Variants in ALMS1 observed in about 807,000 individuals in gnomAD.
ALMS1 encodes the protein ALMS1 centrosome and basal body associated protein.
Under a neutral mutation model 352.2 loss-of-function variants are expected in ALMS1, and 271 were observed. The observed-to-expected ratio is 0.77, with a 90% CI of 0.70 to 0.85. The LOEUF is 0.85. ALMS1 is among the 40% of genes least tolerant of loss of function. The pLI is 0.00. For missense variants in ALMS1, 5,445 were observed against 4,870.7 expected, an observed-to-expected ratio of 1.12 and a Z score of -3.51; for synonymous variants, 1,865 against 1,761.2, an observed-to-expected ratio of 1.06 and a Z score of -1.48.
chr2:73,553,317 A>T (rs1674475786), intron 13 of ALMS1, among the ~76,000 whole-genome samples: 2 of 152,216 alleles, frequency 1.3e-5, no homozygotes, highest in Non-Finnish European at 2.9e-5. Flanking sequence ...AAAGAAAGAA[A>T]ACATGGTGGG....
chr2:73,514,046 T>C (rs972971089), intron 10 of ALMS1, among the ~76,000 whole-genome samples: 1 of 152,138 alleles, frequency 6.6e-6, no homozygotes, highest in African/African-American at 2.4e-5. Context: ...ATAGGAAGCT[T>C]ATTTTTTGTT....
At position 73,449,078 on chromosome 2, in the gene ALMS1, C is replaced by A; in HGVS notation, c.2551C>A (p.Pro851Thr). ...SGPADGKTGT[P>T]AVTSTSSASS... ...ACCAGCTGACGGAAAGACTGGGACA[C>A]CAGCTGTAACCTCTACTTCCTCTGC... The change falls in exon 8 of 23, where the codon CCA becomes ACA. Residue 851 changes from proline to threonine, a missense_variant. Pro to Thr is a conservative substitution (Grantham distance 38). Transcript: ENST00000613296. 2 of 1,614,112 alleles carry A rather than the reference C, an allele frequency of 1.2e-6. No individual in the cohort carries two copies. Among genetic ancestry groups the A allele is most frequent in the Non-Finnish European group, 1.7e-6 (2 of 1,179,998 alleles).
At chr2:73,569,639 C>T (rs1177346892) in intron 15 of ALMS1, among the ~76,000 whole-genome samples, 1 of 152,012 alleles carries the variant, frequency 6.6e-6, no homozygotes, top group African/African-American at 2.4e-5. Flanking sequence ...AGAATTTGGC[C>T]CCAAATAACC....
In ALMS1 at chr2:73,490,951, A is replaced by T; in HGVS notation, c.8992A>T (p.Asn2998Tyr). The T allele has an allele frequency of 1.2e-6, 2 of 1,614,202 alleles. No individual in the cohort carries two copies. The highest frequency in any genetic ancestry group is 8.5e-7 in the Non-Finnish European group (1 of 1,180,018). Residue 2998 changes from asparagine to tyrosine, a missense_variant, in exon 10 of 23, where the codon AAT (asparagine) becomes TAT (tyrosine). Physicochemically the swap from Asn to Tyr is moderately radical, Grantham distance 143. Transcript: ENST00000613296. ...AGGTCAGGATTGTGTAGTGGAAAAG[A>T]ATAATCAACATAAGCCTAAATCACA... ...PQGQDCVVEK[N>Y]NQHKPKSHIS... is the part of the protein sequence containing the mutation.
At chr2:73,512,386 G>A (rs2103946569) in intron 10 of ALMS1, among the ~76,000 whole-genome samples, 1 of 150,002 alleles carries the variant, frequency 6.7e-6, no homozygotes, top group Middle Eastern at 3.4e-3. Context: ...CCTGTCCACT[G>A]TCAGATTTTT....
intron 1 of ALMS1, among the ~76,000 whole-genome samples, chr2:73,395,562 T>A (rs1325562129): frequency 6.6e-6 from 1 of 152,164 alleles, no homozygotes; most frequent in African/African-American, 2.4e-5. Flanking sequence ...GTCAGTGGAA[T>A]TATTTTTCTT....
At chr2:73,437,858 A>C (rs947141703) in intron 7 of ALMS1, among the ~76,000 whole-genome samples, 1 of 152,126 alleles carries the variant, frequency 6.6e-6, no homozygotes, top group Non-Finnish European at 1.5e-5. Context: ...AACGAGACCA[A>C]CTGTATTCTA....
intron 10 of ALMS1, among the ~76,000 whole-genome samples, chr2:73,493,020 A>G (rs888366483): frequency 3.9e-5 from 6 of 152,236 alleles, no homozygotes; most frequent in African/African-American, 9.6e-5. Context: ...TTCATATACA[A>G]TTTTTAAACT....
intron 10 of ALMS1, among the ~76,000 whole-genome samples, chr2:73,508,533 T>C (rs1673384631): frequency 6.6e-6 from 1 of 152,124 alleles, no homozygotes; most frequent in South Asian, 2.1e-4. Flanking sequence ...TGAGTTCTAA[T>C]TTGATTGCAC....
intron 6 of ALMS1, among the ~76,000 whole-genome samples, chr2:73,431,089 T>C (rs1204792693): frequency 6.6e-6 from 1 of 152,028 alleles, no homozygotes. Flanking sequence ...TCCTGAGTAT[T>C]GTAGGATGTT....
chr2:73,579,361 T>C (rs923921967), intron 16 of ALMS1, among the ~76,000 whole-genome samples: 1 of 149,392 alleles, frequency 6.7e-6, no homozygotes, highest in Non-Finnish European at 1.5e-5. Context: ...TACCTGGCCT[T>C]CTTTTTTTTT....
intron 12 of ALMS1, among the ~76,000 whole-genome samples, chr2:73,548,102 G>C (rs568515556): frequency 8.1e-4 from 123 of 152,294 alleles, no homozygotes; most frequent in African/African-American, 2.7e-3. Flanking sequence ...TGTTAAAAAT[G>C]AGATTCCTAT....
At position 73,603,331 on chromosome 2, in the gene ALMS1, A is replaced by G. The variant is rs17848872; in HGVS notation, c.12362+27A>G. ...TAAGACCAAGAAAACAAGAGTACGT[A>G]TACAAGTGTAAACCAGGCCACCAAG... On this transcript the variant is annotated intron_variant, in intron 21 of 22. Coordinates refer to ENST00000613296, the MANE Select transcript of ALMS1 (RefSeq NM_001378454.1). 33,839 of 1,606,514 alleles carry G rather than the reference A, an allele frequency of 0.021. 2,319 individuals are homozygous for G. The highest frequency in any genetic ancestry group is 0.19 in the African/African-American group (14,105 of 73,448).
rs773941009 is a variant in ALMS1, at chr2:73,453,822, T to C, written c.7295T>C (p.Leu2432Ser). ...GGTTCCTGCTCGTGGGACAGTAATT[T>C]ACCAGAGTCTTTGGAATCAGTTTCT... is the stretch of plus-strand genomic sequence containing the variant. ...GNGSCSWDSN[L>S]PESLESVSDV... The change falls in exon 8 of 23, where the codon TTA becomes TCA. Residue 2432 changes from leucine to serine, a missense_variant. Physicochemically the swap from Leu to Ser is moderately radical, Grantham distance 145. Transcript: ENST00000613296. 3.1e-6 allele frequency: 5 copies of C among 1,614,160 alleles called. No individual in the cohort carries two copies. In the East Asian group the frequency reaches 1.1e-4, roughly 36 times the overall value.
intron 15 of ALMS1, among the ~76,000 whole-genome samples, chr2:73,563,987 T>A (rs1469326559): frequency 6.6e-6 from 1 of 151,744 alleles, no homozygotes; most frequent in Non-Finnish European, 1.5e-5. Flanking sequence ...GTAAGTGAAG[T>A]TTAAAAACAC....
chr2:73,544,434 G>A (rs1310075111), intron 12 of ALMS1, among the ~76,000 whole-genome samples: 1 of 152,104 alleles, frequency 6.6e-6, no homozygotes, highest in Non-Finnish European at 1.5e-5. Flanking sequence ...GTTAATGGGT[G>A]CAGCACACCA....
chr2:73,396,834 C>T (rs187513309), intron 1 of ALMS1, among the ~76,000 whole-genome samples: 2 of 151,882 alleles, frequency 1.3e-5, no homozygotes, highest in Non-Finnish European at 2.9e-5. Flanking sequence ...TTAGTAGAGA[C>T]GGGGTTTAAC....
At chr2:73,413,172 G>A (rs116686241) in intron 2 of ALMS1, among the ~76,000 whole-genome samples, 5,109 of 151,818 alleles carry the variant, frequency 0.034, 300 homozygotes, top group African/African-American at 0.12. Context: ...TTTGTGGCTG[G>A]TTTGTTTCAT....
intron 12 of ALMS1, among the ~76,000 whole-genome samples, chr2:73,541,719 A>C (rs1390650871): frequency 6.6e-6 from 1 of 152,232 alleles, no homozygotes; most frequent in African/African-American, 2.4e-5. Flanking sequence ...ACAAACTACC[A>C]TCAGAGAATA....
Sources: gnomAD v4.1 joint callset for allele counts (sites outside exome capture counted in the v4.1 genomes callset) on GRCh38, gnomAD v4.1.1 for gene constraint, MANE v1.5 for transcripts, NCBI Gene and HGNC (gene_info 2026-07-23, HGNC 2026-07-21) for gene names.